GRIK4: variants seen among roughly 807,000 people sequenced by gnomAD.
GRIK4 encodes glutamate ionotropic receptor kainate type subunit 4.
A neutral mutation model predicts 104.9 loss-of-function variants in GRIK4; 40 were observed. The observed-to-expected ratio is 0.38, with a 90% CI of 0.30 to 0.50. GRIK4 has a LOEUF of 0.50. Ranked by LOEUF, GRIK4 falls within the 20% of genes least tolerant of loss-of-function variation. The probability of loss-of-function intolerance (pLI) is 0.93; values close to 1 mark genes in which losing one functional copy is unlikely to be tolerated. For synonymous variants in GRIK4, 485 were observed against 524.9 expected, an observed-to-expected ratio of 0.92 and a Z score of 1.04; for missense variants, 1,047 against 1,308.1, an observed-to-expected ratio of 0.80 and a Z score of 3.08.
At chr11:120,901,091 G>T (rs1942724895) in intron 12 of GRIK4, among the ~76,000 whole-genome samples, 1 of 152,142 alleles carries the variant, frequency 6.6e-6, no homozygotes, top group African/African-American at 2.4e-5. Flanking sequence ...TACTCTGCTG[G>T]CAGGCTCCCT....
chr11:120,952,928 A>T lies in GRIK4; in HGVS notation c.1664A>T (p.Tyr555Phe), dbSNP rs761949882. The change falls in exon 15 of 21, where the codon TAT (tyrosine) becomes TTT (phenylalanine). Residue 555 changes from tyrosine to phenylalanine, a missense_variant. Tyr to Phe is a conservative substitution (Grantham distance 22). Around this residue, in one of 3 missense-constraint regions of GRIK4, gnomAD observed 440 missense variants for 652.3 expected, o/e 0.67. Coordinates refer to ENST00000527524, the MANE Select transcript of GRIK4 (RefSeq NM_014619.5). The surrounding 1 kb of genome is among the most constrained non-coding windows in gnomAD (Gnocchi z 5.2). ...GTCTGGCTCTTCATGCTTCTAGCCT[A>T]TCTGGCCGTCAGCTGTGTCCTCTTC... The part of the protein sequence containing the change: ...PGVWLFMLLA[Y>F]LAVSCVLFLV... 18 of 1,613,346 alleles carry T rather than the reference A, an allele frequency of 1.1e-5. No homozygotes were observed. The South Asian group carries it at 1.8e-4, about 16-fold the overall frequency.
Position 120,903,988 on chromosome 11 carries a change from T to C in GRIK4, c.1273-1302T>C, listed in dbSNP as rs963838305. Among the ~76,000 whole-genome samples, 4 of 152,210 alleles carry C rather than the reference T, an allele frequency of 2.6e-5. No homozygotes were observed. The stretch of plus-strand genomic sequence containing the variant: ...TTCCTCCTCCTTGACGCTAAGATCA[T>C]GTTCCCCTGATTTTCAGCCTTCCTG... On this transcript the variant is annotated intron_variant, in intron 12 of 20. Coordinates refer to ENST00000527524, the MANE Select transcript of GRIK4 (RefSeq NM_014619.5). The surrounding 1 kb of genome is among the most constrained non-coding windows in gnomAD (Gnocchi z 4.4).
rs1194010522 is a variant in GRIK4 at position 120,917,269 on chromosome 11, AAAAG to A, written c.1476+11800_1476+11803del. The stretch of plus-strand genomic sequence containing the variant: ...TCTCAAAAAAAAAAAAAAAAAAAAA[AAAAG>A]AAAGAAAGAAAGAAAGAAAGAAAAA... On this transcript the variant is annotated intron_variant, in intron 13 of 20. Coordinates refer to ENST00000527524, the MANE Select transcript of GRIK4 (RefSeq NM_014619.5). 3.6e-3 allele frequency among the ~76,000 whole-genome samples: 501 copies of A among 138,232 alleles called. 2 individuals carry two copies. The highest frequency in any genetic ancestry group is 0.011 in the African/African-American group (346 of 32,600). The allele number at this position is 138,232 out of a possible 152,430, so 90.7% of individuals were successfully genotyped here. A position where few individuals can be genotyped will look rare whatever the true frequency, so the allele number is the denominator to read the frequency against.
intron 20 of GRIK4, 63 bp downstream of exon 20, chr11:120,982,287 G>A: frequency 1.1e-6 from 1 of 881,440 alleles, no homozygotes; most frequent in East Asian, 2.4e-5. Flanking sequence ...ACAGGCTCAT[G>A]CACATATAAG....
chr11:120,802,929 C>A, intron 4 of GRIK4, 72 bp downstream of exon 4: 1 of 1,300,406 alleles, frequency 7.7e-7, no homozygotes, highest in Non-Finnish European at 1.1e-6. Flanking sequence ...TGAGCTGCAC[C>A]TATCAGTCAC....
At chr11:120,862,200 C>A in intron 9 of GRIK4, 80 bp downstream of exon 9, 1 of 1,248,398 alleles carries the variant, frequency 8.0e-7, no homozygotes. Context: ...CTGGGCAACA[C>A]ATCTTCTTGG....
intron 1 of GRIK4, among the ~76,000 whole-genome samples, chr11:120,595,377 A>G (rs1226362623): frequency 6.6e-6 from 1 of 152,156 alleles, no homozygotes; most frequent in African/African-American, 2.4e-5. Context: ...CCCCTAGCAC[A>G]TTTTGAAATT....
chr11:120,574,019 A>T (rs139761733), intron 1 of GRIK4, among the ~76,000 whole-genome samples: 1 of 152,238 alleles, frequency 6.6e-6, no homozygotes, highest in Non-Finnish European at 1.5e-5. Context: ...CTGACCAATC[A>T]ATCCTCTCTC....
intron 11 of GRIK4, 60 bp downstream of exon 11, chr11:120,875,303 C>G (rs987980637): frequency 1.8e-6 from 2 of 1,097,886 alleles, no homozygotes; most frequent in African/African-American, 3.1e-5. Context: ...TTCATTGATG[C>G]CTCGGTGTTT....
intron 3 of GRIK4, among the ~76,000 whole-genome samples, chr11:120,766,634 A>G (rs773703979): frequency 3.3e-5 from 5 of 152,132 alleles, no homozygotes; most frequent in Admixed American, 6.5e-5. Context: ...CCATGGGAAA[A>G]GCGTAGTATC....
chr11:120,861,797 C>T (rs543787134), intron 8 of GRIK4, among the ~76,000 whole-genome samples, 162 bp from the exon 9 acceptor site: 1 of 152,272 alleles, frequency 6.6e-6, no homozygotes, highest in South Asian at 2.1e-4. Context: ...AGTGTTAACT[C>T]CCAGAAAAAC....
Position 120,987,562 on chromosome 11 carries a change from A to G in GRIK4, c.*1302A>G, listed in dbSNP as rs1449557427. Reference sequence around the variant, plus strand: ...AGAGGTGGAGTCTCCTAGTCAATACACGGGCCTGGGAACCAGGAACTCTTG... The same window carrying G: ...AGAGGTGGAGTCTCCTAGTCAATACGCGGGCCTGGGAACCAGGAACTCTTG... On this transcript the variant is annotated 3_prime_UTR_variant, in exon 21 of 21. Transcript: ENST00000527524. The G allele has an allele frequency of 6.6e-6, 1 of 152,242 alleles. No homozygotes were observed. Among genetic ancestry groups the G allele is most frequent in the East Asian group, 1.9e-4 (1 of 5,198 alleles). 9.4% of individuals were successfully genotyped at this position (152,242 alleles called of 1,614,324 possible). A position where few individuals can be genotyped will look rare whatever the true frequency, so the allele number is the denominator to read the frequency against.
chr11:120,885,690 CAG>C (rs1349026763), intron 11 of GRIK4, among the ~76,000 whole-genome samples: 1 of 152,150 alleles, frequency 6.6e-6, no homozygotes, highest in African/African-American at 2.4e-5. Context: ...TGGCCAGCAA[CAG>C]AAATTCTTAA....
chr11:120,604,864 G>GAT (rs1375988192), intron 1 of GRIK4, among the ~76,000 whole-genome samples: 2 of 152,184 alleles, frequency 1.3e-5, no homozygotes, highest in Non-Finnish European at 2.9e-5. Flanking sequence ...CTGGAAGTCT[G>GAT]ATATATATAT....
At chr11:120,923,080 G>A (rs889987909) in intron 13 of GRIK4, among the ~76,000 whole-genome samples, 3 of 152,232 alleles carry the variant, frequency 2.0e-5, no homozygotes, top group African/African-American at 7.2e-5. Flanking sequence ...AGGCCTGGCT[G>A]GCTGTCAGAG....
intron 1 of GRIK4, among the ~76,000 whole-genome samples, chr11:120,582,541 G>C (rs1948600783): frequency 1.3e-5 from 2 of 152,044 alleles, no homozygotes; most frequent in South Asian, 4.1e-4. Flanking sequence ...TATTAGGTTG[G>C]TGCAAAAGTA....
intron 6 of GRIK4, among the ~76,000 whole-genome samples, chr11:120,825,080 A>G (rs905010032): frequency 4.6e-5 from 7 of 150,800 alleles, no homozygotes; most frequent in Admixed American, 4.0e-4. Context: ...GTGAGCCACC[A>G]TGCTCAGCTA....
chr11:120,933,281 A>G (rs146837721), intron 13 of GRIK4, among the ~76,000 whole-genome samples: 2 of 152,344 alleles, frequency 1.3e-5, no homozygotes, highest in Admixed American at 6.5e-5. Flanking sequence ...GCCTCCAAAC[A>G]TGCCCACAAC....
chr11:120,733,202 G>A (rs917683563), intron 3 of GRIK4, among the ~76,000 whole-genome samples: 1 of 152,098 alleles, frequency 6.6e-6, no homozygotes, highest in African/African-American at 2.4e-5. Context: ...ATCAGTCTAT[G>A]TGTATCTTTA....
Sources: allele counts gnomAD v4.1 joint callset (sites outside exome capture counted in the v4.1 genomes callset), GRCh38; gene constraint gnomAD v4.1.1; regional missense constraint gnomAD v4.1.1; non-coding constraint Gnocchi (gnomAD v3.1); transcripts MANE v1.5; gene names NCBI Gene and HGNC (gene_info 2026-07-23, HGNC 2026-07-21).